GRM8: variants seen among roughly 807,000 people sequenced by gnomAD.
GRM8 encodes glutamate metabotropic receptor 8.
A neutral mutation model predicts 87.2 loss-of-function variants in GRM8; 47 were observed. The ratio of observed to expected loss-of-function variants is 0.54; its 90% CI spans 0.43 to 0.69. The LOEUF is 0.69. Among genes scored for constraint, GRM8 ranks in the 30% least tolerant of loss-of-function variants. The probability of loss-of-function intolerance (pLI) is 0.00; values close to 1 mark genes in which losing one functional copy is unlikely to be tolerated. For synonymous variants in GRM8, 396 were observed against 404.5 expected (o/e 0.98, Z 0.25); for missense variants, 1,019 against 1,139.2 (o/e 0.89, Z 1.52).
At chr7:126,543,502 C>A (rs192194092) in intron 8 of GRM8, among the ~76,000 whole-genome samples, 1 of 152,228 alleles carries the variant, frequency 6.6e-6, no homozygotes, top group African/African-American at 2.4e-5. Flanking sequence ...TGACTAAGAC[C>A]TAATAGGCAT....
At chr7:127,207,255 T>C (rs1332468080) in intron 2 of GRM8, among the ~76,000 whole-genome samples, 1 of 152,186 alleles carries the variant, frequency 6.6e-6, no homozygotes, top group African/African-American at 2.4e-5. Context: ...TATCTATGCA[T>C]TTGAACCATC....
chr7:127,173,326 T>A (rs1793924462), intron 2 of GRM8, among the ~76,000 whole-genome samples: 2 of 152,132 alleles, frequency 1.3e-5, no homozygotes, highest in Non-Finnish European at 2.9e-5. Context: ...TTGAATAAGT[T>A]GAGAATTAGC....
In GRM8 at chr7:126,506,578, G is replaced by A. The variant is rs145501404; in HGVS notation, c.2430+26374C>T. Among the ~76,000 whole-genome samples the A allele has an allele frequency of 1.0e-3, 152 of 152,034 alleles. 2 individuals are homozygous for A. The Middle Eastern group carries it at 0.02, about 20-fold the overall frequency. Reference sequence around the variant, plus strand: ...GCAGATCACTTGAGGTCAGGAGTTTGAGACCAGTCTGGCCAACATGGTAAA... The same window carrying A: ...GCAGATCACTTGAGGTCAGGAGTTTAAGACCAGTCTGGCCAACATGGTAAA... On this transcript the variant is annotated intron_variant, in intron 9 of 10. Transcript: ENST00000339582.
At chr7:127,074,439 G>A (rs991400305) in intron 3 of GRM8, among the ~76,000 whole-genome samples, 3 of 152,128 alleles carry the variant, frequency 2.0e-5, no homozygotes, top group African/African-American at 7.2e-5. Context: ...GAGGCAGGGG[G>A]CTGCTCCTCC....
chr7:126,488,785 C>T (rs2150629193), intron 9 of GRM8, among the ~76,000 whole-genome samples: 1 of 151,962 alleles, frequency 6.6e-6, no homozygotes, highest in African/African-American at 2.4e-5. Flanking sequence ...GTTCTTCTGA[C>T]TTTGCTATAG....
chr7:126,641,157 T>C (rs1316057343), intron 7 of GRM8, among the ~76,000 whole-genome samples: 1 of 152,166 alleles, frequency 6.6e-6, no homozygotes, highest in Non-Finnish European at 1.5e-5. Flanking sequence ...CTGTTAGCAA[T>C]GGGAATACTT....
At chr7:127,028,551 T>C (rs1198415718) in intron 3 of GRM8, among the ~76,000 whole-genome samples, 1 of 152,186 alleles carries the variant, frequency 6.6e-6, no homozygotes, top group South Asian at 2.1e-4. Context: ...TTCTTCCTGG[T>C]TTAGTCTTGG....
In GRM8 at chr7:126,701,082, C is replaced by T. The variant is rs528683636; in HGVS notation, c.1357+68783G>A. ...ATATATATAACCAATAATTACCAAG[C>T]ACTTACAGTACACTGGGCAGAGTGC... On this transcript the variant is annotated intron_variant, in intron 7 of 10. Transcript: ENST00000339582. Among the ~76,000 whole-genome samples, 5 of 152,008 alleles carry T rather than the reference C, an allele frequency of 3.3e-5. No homozygotes were observed. In the East Asian group the frequency reaches 9.7e-4, roughly 29 times the overall value.
At chr7:126,700,546 C>T (rs1421436476) in intron 7 of GRM8, among the ~76,000 whole-genome samples, 1 of 151,980 alleles carries the variant, frequency 6.6e-6, no homozygotes. Context: ...TCTCATAATC[C>T]TAAAATAAAT....
intron 2 of GRM8, among the ~76,000 whole-genome samples, chr7:127,157,572 CACA>C: frequency 6.6e-6 from 1 of 151,960 alleles, no homozygotes; most frequent in East Asian, 1.9e-4. Flanking sequence ...TTAATGAGAA[CACA>C]ACAAGACTTA....
At chr7:126,514,959 A>C (rs1264129865) in intron 9 of GRM8, among the ~76,000 whole-genome samples, 2 of 152,050 alleles carry the variant, frequency 1.3e-5, no homozygotes, top group African/African-American at 2.4e-5. Context: ...CACTTACTAA[A>C]TTATTATAAT....
At chr7:126,587,076 A>G (rs6467089) in intron 8 of GRM8, among the ~76,000 whole-genome samples, 29,754 of 152,234 alleles carry the variant, frequency 0.2, 3,440 homozygotes, top group East Asian at 0.31. Context: ...ACAGGAAAAA[A>G]TGCTCATCAT....
At chr7:126,595,198 T>A (rs1177167128) in intron 8 of GRM8, among the ~76,000 whole-genome samples, 1 of 151,744 alleles carries the variant, frequency 6.6e-6, no homozygotes, top group Non-Finnish European at 1.5e-5. Context: ...ATGTGAAGTT[T>A]GGTTTGTGGA....
intron 7 of GRM8, among the ~76,000 whole-genome samples, chr7:126,721,877 T>A (rs1812425519): frequency 6.6e-6 from 1 of 152,098 alleles, no homozygotes; most frequent in Non-Finnish European, 1.5e-5. Flanking sequence ...TTGTAGACCC[T>A]CTAGCTGTTC....
intron 7 of GRM8, among the ~76,000 whole-genome samples, chr7:126,635,015 C>G (rs1009824604): frequency 1.3e-5 from 2 of 152,134 alleles, no homozygotes; most frequent in East Asian, 3.9e-4. Context: ...TGTGCGTGTT[C>G]CCTCCTCTTA....
At chr7:126,737,270 C>G (rs1357240383) in intron 7 of GRM8, among the ~76,000 whole-genome samples, 1 of 151,968 alleles carries the variant, frequency 6.6e-6, no homozygotes, top group Non-Finnish European at 1.5e-5. Context: ...GATGGATAAG[C>G]TGGTTCATCT....
intron 3 of GRM8, among the ~76,000 whole-genome samples, chr7:127,037,730 C>A (rs779269415): frequency 6.6e-6 from 1 of 152,200 alleles, no homozygotes; most frequent in South Asian, 2.1e-4. Context: ...GAACCACAAA[C>A]AATAGCGGAG....
intron 6 of GRM8, among the ~76,000 whole-genome samples, chr7:126,809,001 T>G (rs1454409871): frequency 2.6e-5 from 4 of 152,222 alleles, no homozygotes; most frequent in Admixed American, 2.0e-4. Context: ...TGGGTCTAAC[T>G]GGGCTAAAAT....
chr7:127,064,067 G>A (rs1249003022), intron 3 of GRM8, among the ~76,000 whole-genome samples: 2 of 152,212 alleles, frequency 1.3e-5, no homozygotes, highest in Non-Finnish European at 2.9e-5. Context: ...TTTAGAGTAT[G>A]TGCCATTTGG....
Sources: gnomAD v4.1 joint callset for allele counts (sites outside exome capture counted in the v4.1 genomes callset) on GRCh38, gnomAD v4.1.1 for gene constraint, MANE v1.5 for transcripts, NCBI Gene and HGNC (gene_info 2026-07-23, HGNC 2026-07-21) for gene names.